DNAH11: variants seen among roughly 807,000 people sequenced by gnomAD.
DNAH11 encodes axonemal beta dynein heavy chain 11.
Under a neutral mutation model 526.0 loss-of-function variants are expected in DNAH11, and 442 were observed. The ratio of observed to expected loss-of-function variants is 0.84; its 90% CI spans 0.78 to 0.91. The LOEUF is 0.91. DNAH11 is among the 40% of genes least tolerant of loss of function. The pLI, the probability that DNAH11 is intolerant of heterozygous loss-of-function variation, is 0.00. For missense variants in DNAH11, 6,989 were observed against 5,448.7 expected (o/e 1.28, Z -8.90); for synonymous variants, 2,461 against 1,935.9 (o/e 1.27, Z -7.12).
intron 44 of DNAH11, among the ~76,000 whole-genome samples, chr7:21,722,168 A>G (rs578101796): frequency 5.9e-5 from 9 of 152,280 alleles, no homozygotes; most frequent in African/African-American, 2.2e-4. Flanking sequence ...TGATCTTTAC[A>G]ATGGTTCTTC....
At chr7:21,777,146 C>G (rs982231090) in intron 56 of DNAH11, among the ~76,000 whole-genome samples, 1 of 152,158 alleles carries the variant, frequency 6.6e-6, no homozygotes, top group Non-Finnish European at 1.5e-5. Context: ...TTCTCCATTT[C>G]TATAGTTTTG....
intron 30 of DNAH11, among the ~76,000 whole-genome samples, chr7:21,674,904 C>T (rs766932639): frequency 5.9e-5 from 9 of 152,140 alleles, no homozygotes; most frequent in South Asian, 2.1e-4. Flanking sequence ...GTTGCTCACA[C>T]TAGAAGCCCG....
chr7:21,855,362 C>G (rs1583777439), intron 68 of DNAH11, among the ~76,000 whole-genome samples: 1 of 152,228 alleles, frequency 6.6e-6, no homozygotes, highest in African/African-American at 2.4e-5. Context: ...TTCCTTGAGG[C>G]TCCTATTTTG....
chr7:21,872,541 G>T (rs149426236), intron 73 of DNAH11, among the ~76,000 whole-genome samples: 1 of 152,126 alleles, frequency 6.6e-6, no homozygotes, highest in Admixed American at 6.5e-5. Context: ...AACATGTAAG[G>T]TGCAGCCTTT....
At chr7:21,786,174 A>G (rs1044499160) in intron 58 of DNAH11, among the ~76,000 whole-genome samples, 6 of 152,190 alleles carry the variant, frequency 3.9e-5, no homozygotes, top group African/African-American at 7.2e-5. Flanking sequence ...TTTCTTGTAC[A>G]TGTAAGACAG....
At chr7:21,760,684 A>G (rs1167838999) in intron 54 of DNAH11, among the ~76,000 whole-genome samples, 3 of 152,212 alleles carry the variant, frequency 2.0e-5, no homozygotes, top group South Asian at 2.1e-4. Context: ...TCTACCATCC[A>G]TGATGCTGCC....
At chr7:21,749,076 AGGTTGG>A (rs1786287249) in intron 52 of DNAH11, among the ~76,000 whole-genome samples, 1 of 152,110 alleles carries the variant, frequency 6.6e-6, no homozygotes. Flanking sequence ...CCTGTATGAT[AGGTTGG>A]GGAAAAAAGA....
chr7:21,684,175 C>T (rs1783270953), intron 32 of DNAH11, among the ~76,000 whole-genome samples: 1 of 152,196 alleles, frequency 6.6e-6, no homozygotes, highest in African/African-American at 2.4e-5. Flanking sequence ...GCCTAGTTAT[C>T]TACAACTAAC....
At chr7:21,663,352 TGC>T (rs1782307864) in intron 30 of DNAH11, among the ~76,000 whole-genome samples, 1 of 152,144 alleles carries the variant, frequency 6.6e-6, no homozygotes, top group African/African-American at 2.4e-5. Flanking sequence ...GTAATGGGAT[TGC>T]TGGGTCAAAT....
intron 22 of DNAH11, 100 bp from the exon 23 acceptor site, chr7:21,617,519 C>G (rs1785832372): frequency 7.3e-7 from 1 of 1,369,126 alleles, no homozygotes; most frequent in Non-Finnish European, 1.0e-6. Context: ...TCACTCTTTT[C>G]TAATCCAGGA....
intron 34 of DNAH11, among the ~76,000 whole-genome samples, chr7:21,688,357 C>T (rs1562491103): frequency 1.3e-5 from 2 of 152,178 alleles, no homozygotes; most frequent in Non-Finnish European, 2.9e-5. Context: ...AGCACTATAT[C>T]CGTGTTTCCT....
Position 21,892,441 on chromosome 7 carries a change from T to C in DNAH11, c.12524T>C (p.Met4175Thr), listed in dbSNP as rs1469402147. 6.2e-7 allele frequency: 1 copy of C among 1,611,022 alleles called. No individual in the cohort carries two copies. The highest frequency in any genetic ancestry group is 1.1e-5 in the South Asian group (1 of 90,890). ...TGGTTCAAGACTGAAGATGAACTGA[T>C]GCTGGCACCAGGTTTTGCTGCCCCA... ...MNPSLTEDEL[M>T]LAPGFAAPPY... The change falls in exon 77 of 82, where the codon ATG becomes ACG. Residue 4175 changes from methionine (M) to threonine (T), a missense_variant. Coordinates refer to ENST00000409508, the MANE Select transcript of DNAH11 (RefSeq NM_001277115.2).
intron 28 of DNAH11, among the ~76,000 whole-genome samples, chr7:21,645,248 T>A (rs147175150): frequency 6.6e-6 from 1 of 152,238 alleles, no homozygotes; most frequent in African/African-American, 2.4e-5. Flanking sequence ...TGATGAAGGT[T>A]GTTCAGTTCC....
chr7:21,723,605 G>T (rs1583628871), intron 44 of DNAH11, among the ~76,000 whole-genome samples: 1 of 152,310 alleles, frequency 6.6e-6, no homozygotes, highest in East Asian at 1.9e-4. Context: ...ATACTCCAGA[G>T]TTGAAAACAC....
At chr7:21,853,712 G>A (rs1365837394) in intron 67 of DNAH11, among the ~76,000 whole-genome samples, 1 of 152,138 alleles carries the variant, frequency 6.6e-6, no homozygotes, top group African/African-American at 2.4e-5. Context: ...GGTTGATGGT[G>A]GTGCTGGTTT....
intron 76 of DNAH11, among the ~76,000 whole-genome samples, chr7:21,891,685 C>T (rs527421898): frequency 6.6e-5 from 10 of 152,190 alleles, no homozygotes; most frequent in African/African-American, 1.9e-4. Context: ...TAGATGGGCA[C>T]GATAAAAGCC....
At chr7:21,798,557 C>T (rs1788820431) in intron 61 of DNAH11, among the ~76,000 whole-genome samples, 1 of 152,228 alleles carries the variant, frequency 6.6e-6, no homozygotes. Context: ...TGGTCCAGGA[C>T]TCAGAAGGTT....
chr7:21,583,736 A>G (rs1418166957), intron 9 of DNAH11, among the ~76,000 whole-genome samples: 1 of 152,218 alleles, frequency 6.6e-6, no homozygotes, highest in Non-Finnish European at 1.5e-5. Flanking sequence ...CAAATTTACA[A>G]GAAAAAAACA....
intron 72 of DNAH11, among the ~76,000 whole-genome samples, chr7:21,868,571 G>C (rs1259259056): frequency 2.0e-5 from 3 of 152,176 alleles, no homozygotes; most frequent in Non-Finnish European, 4.4e-5. Flanking sequence ...ACTCCTGCAA[G>C]AGTTTATAAA....
Sources: gnomAD v4.1 joint callset for allele counts (sites outside exome capture counted in the v4.1 genomes callset) on GRCh38, gnomAD v4.1.1 for gene constraint, MANE v1.5 for transcripts, NCBI Gene and HGNC (gene_info 2026-07-23, HGNC 2026-07-21) for gene names.